SBF1: variants seen among roughly 807,000 people sequenced by gnomAD.
SBF1 encodes the protein SET binding factor 1, also known as myotubularin-related protein 5.
A neutral mutation model predicts 215.8 loss-of-function variants in SBF1; 65 were observed. The ratio of observed to expected loss-of-function variants is 0.30; its 90% CI spans 0.25 to 0.37. SBF1 has a LOEUF of 0.37. SBF1 is among the 10% of genes least tolerant of loss of function. The pLI, the probability that SBF1 is intolerant of heterozygous loss-of-function variation, is 1.00. For missense variants in SBF1, 2,634 were observed against 2,667.8 expected (o/e 0.99, Z 0.28); for synonymous variants, 1,410 against 1,122.8 (o/e 1.26, Z -5.11).
At chr22:50,470,832 C>T (rs1333885751) in intron 1 of SBF1, among the ~76,000 whole-genome samples, 2 of 152,230 alleles carry the variant, frequency 1.3e-5, no homozygotes, top group East Asian at 3.8e-4. Flanking sequence ...TGACAGAACA[C>T]AGCTGGCCCC....
rs190247960 is a variant in SBF1 at position 50,456,177 on chromosome 22, A to G, written c.4266+39T>C. On this transcript the variant is annotated intron_variant, in intron 31 of 40. Coordinates refer to ENST00000380817, the MANE Select transcript of SBF1 (RefSeq NM_002972.4). Reference sequence around the variant, plus strand: ...TTGGCTCTACCCAAGGGGAGGGCCCAGCACCAAGGCGGGCAGAGGGACGGG... The same window carrying G: ...TTGGCTCTACCCAAGGGGAGGGCCCGGCACCAAGGCGGGCAGAGGGACGGG... 463 of 1,600,658 alleles carry G rather than the reference A, an allele frequency of 2.9e-4. No individual in the cohort carries two copies. In the African/African-American group the frequency reaches 5.7e-3, roughly 20 times the overall value.
chr22:50,448,743 C>T (rs536402152), intron 36 of SBF1, 93 bp from the exon 37 acceptor site: 106 of 1,005,672 alleles, frequency 1.1e-4, no homozygotes, highest in Admixed American at 5.6e-4. Context: ...AGAGACACAA[C>T]GGAAAGGCCT....
In SBF1 at chr22:50,447,175, C is replaced by A; in HGVS notation, c.5649G>T (p.Val1883=). The change falls in exon 41 of 41, where the codon GTG becomes GTT. Residue 1883 remains valine (V), a synonymous_variant. Coordinates refer to ENST00000380817, the MANE Select transcript of SBF1 (RefSeq NM_002972.4). ...CCGACAGGCAGCTCTGGATCCGGTC[C>A]ACCCACTGCTGGGCCGAGGGCACGT... The part of the protein sequence containing the change: ...AQDVPSAQQW[V]DRIQSCLSDA 6.2e-7 allele frequency: 1 copy of A among 1,613,346 alleles called. No individual in the cohort carries two copies. Among genetic ancestry groups the A allele is most frequent in the Non-Finnish European group, 8.5e-7 (1 of 1,179,942 alleles).
chr22:50,455,527 G>C lies in SBF1; in HGVS notation c.4322C>G (p.Ser1441Cys). The part of the protein sequence containing the change: ...VLVVELLDSG[S>C]SVLVGLEDGW... ...ATCCTCCAGGCCCACCAGCACGGAG[G>C]AGCCTGAATCCAGGAGCTCCACCAC... Residue 1441 changes from serine (S) to cysteine (C), a missense_variant, in exon 32 of 41, where the codon TCC (serine) becomes TGC (cysteine). Transcript: ENST00000380817. The C allele has an allele frequency of 6.2e-7, 1 of 1,601,794 alleles. No homozygotes were observed. Among genetic ancestry groups the C allele is most frequent in the Non-Finnish European group, 8.5e-7 (1 of 1,174,624 alleles).
At chr22:50,455,834 C>G in intron 31 of SBF1, 7 of 498,476 alleles carry the variant, frequency 1.4e-5, no homozygotes, top group Non-Finnish European at 2.4e-5. Context: ...CCCTGTCCCT[C>G]AAGATGCCGG....
chr22:50,459,454 A>G lies in SBF1; in HGVS notation c.3688+16T>C, dbSNP rs924647138. The G allele has an allele frequency of 6.2e-7, 1 of 1,611,294 alleles. No individual in the cohort carries two copies. Among genetic ancestry groups the G allele is most frequent in the Non-Finnish European group, 8.5e-7 (1 of 1,179,670 alleles). On this transcript the variant is annotated intron_variant, in intron 27 of 40. Transcript: ENST00000380817. Reference sequence around the variant, plus strand: ...AGATAGGGCAGGGCAGGCACAGGGCAGGACGCAGGAGGTACCTGGAGAAGG... The same window carrying G: ...AGATAGGGCAGGGCAGGCACAGGGCGGGACGCAGGAGGTACCTGGAGAAGG...
Position 50,460,282 on chromosome 22 carries a change from G to C in SBF1, c.3273C>G (p.Asp1091Glu), listed in dbSNP as rs1191369275. 3 of 1,605,582 alleles carry C rather than the reference G, an allele frequency of 1.9e-6. No homozygotes were observed. The Admixed American group carries it at 5.0e-5, about 27-fold the overall frequency. The change falls in exon 25 of 41, where the codon GAC (aspartate) becomes GAG (glutamate). Residue 1091 changes from aspartate (D) to glutamate (E), a missense_variant. Transcript: ENST00000380817. ...CCCCCACCCCTCCACCTGAGATCTC[G>C]TCCTCCTGGTCCTCAGGGGGCGGCT... Reference protein sequence around the residue: ...RGQPPPEDQEDEISVSEELEP... With the variant: ...RGQPPPEDQEEEISVSEELEP...
rs774986568 is a variant in SBF1, at chr22:50,462,735, GA to G, written c.1969-19del. 2.2e-5 allele frequency: 36 copies of G among 1,610,612 alleles called. No individual in the cohort carries two copies. The highest frequency in any genetic ancestry group is 3.1e-5 in the Non-Finnish European group (36 of 1,178,744). ...CTCAGCTTCTGCAGGAGCCAGGGGA[GA>G]AGGTCAGCTGGATGCAGCCAGGAAG... is the stretch of plus-strand genomic sequence containing the variant. On this transcript the variant is annotated intron_variant, in intron 17 of 40. Transcript: ENST00000380817.
Position 50,446,784 on chromosome 22 carries a change from G to A in SBF1, c.*358C>T, listed in dbSNP as rs905957561. 3 of 582,724 alleles carry A rather than the reference G, an allele frequency of 5.1e-6. No individual in the cohort carries two copies. Among genetic ancestry groups the A allele is most frequent in the African/African-American group, 3.7e-5 (2 of 54,790 alleles). 36.1% of individuals were successfully genotyped at this position (582,724 alleles called of 1,614,324 possible). A position where few individuals can be genotyped will look rare whatever the true frequency, so the allele number is the denominator to read the frequency against. The stretch of plus-strand genomic sequence containing the variant: ...GGCCGAGAGCAGGCAGCCGGGGAGT[G>A]GGGAAGGCAGGCACAGGAGCGTGGC... On this transcript the variant is annotated 3_prime_UTR_variant, in exon 41 of 41. Transcript: ENST00000380817.
intron 31 of SBF1, chr22:50,456,014 A>T: frequency 1.7e-6 from 1 of 605,294 alleles, no homozygotes; most frequent in Non-Finnish European, 2.9e-6. Context: ...AGCCCTGGCC[A>T]CTCTCACTGT....
At position 50,447,380 on chromosome 22, in the gene SBF1, G is replaced by A. The variant is rs1340978294; in HGVS notation, c.5525C>T (p.Ala1842Val). Residue 1842 changes from alanine (A) to valine (V), a missense_variant, in exon 40 of 41, where the codon GCA becomes GTA. Physicochemically the swap from Ala to Val is moderately conservative, Grantham distance 64 (BLOSUM62 0). Transcript: ENST00000380817. The stretch of plus-strand genomic sequence containing the variant: ...GGCACCCATAGTGGGCGTGCCAGGT[G>A]CCACAGCCTCCACCTCCGCCAAGTC... ...VIDLAEVEAVAPGTPTMGAPK... is the reference protein window; with the variant it reads ...VIDLAEVEAVVPGTPTMGAPK... 1 of 1,613,968 alleles carries A rather than the reference G, an allele frequency of 6.2e-7. No homozygotes were observed. The highest frequency in any genetic ancestry group is 8.5e-7 in the Non-Finnish European group (1 of 1,179,918).
chr22:50,448,191 A>T, intron 38 of SBF1, 42 bp downstream of exon 38: 2 of 1,575,732 alleles, frequency 1.3e-6, no homozygotes, highest in South Asian at 2.2e-5. Context: ...CCAGAACACC[A>T]GCTCAGAGGT....
rs756014 is a variant in SBF1, at chr22:50,445,532, G to A, written c.*1610C>T. 0.62 allele frequency: 94,872 copies of A among 152,148 alleles called. 29,983 individuals carry two copies. The highest frequency in any genetic ancestry group is 0.69 in the African/African-American group (28,812 of 41,488). 9.4% of individuals were successfully genotyped at this position (152,148 alleles called of 1,614,324 possible). On this transcript the variant is annotated 3_prime_UTR_variant, in exon 41 of 41. Transcript: ENST00000380817. ...GCTACACATTGAGTGCCTTGTTCTC[G>A]CCGCCTACCCTGTGCCTGGCATTTG... is the stretch of plus-strand genomic sequence containing the variant.
intron 21 of SBF1, 26 bp from the exon 22 acceptor site, chr22:50,461,744 C>G: frequency 6.2e-7 from 1 of 1,610,080 alleles, no homozygotes; most frequent in East Asian, 2.2e-5. Context: ...AGCAGGAGCT[C>G]AGGATGCAGC....
rs1026571113 is a variant in SBF1 at position 50,449,656 on chromosome 22, A to ACACACC, written c.5044-1007_5044-1006insGGTGTG. 3.4e-4 allele frequency among the ~76,000 whole-genome samples: 50 copies of ACACACC among 148,454 alleles called. 1 individual carries two copies. The highest frequency in any genetic ancestry group is 1.2e-3 in the African/African-American group (46 of 39,808). On this transcript the variant is annotated intron_variant, in intron 36 of 40. Transcript: ENST00000380817. ...CACACACACACACACACACACACAC[A>ACACACC]CCCCAAAATGGGACAGAAAAACTGC...
chr22:50,472,680 G>T (rs1319801041), intron 1 of SBF1, among the ~76,000 whole-genome samples: 1 of 152,198 alleles, frequency 6.6e-6, no homozygotes, highest in African/African-American at 2.4e-5. Context: ...GAAGTCACAA[G>T]GCTATCAAGG....
chr22:50,461,197 G>C lies in SBF1; in HGVS notation c.2929C>G (p.Leu977Val). ...GAGCGCAGCTGGAGCCCGTCCTGCA[G>C]GAGCTGGTCCACAGGGGTCTGGACG... ...ISVQTPVDQLLQDGLQLRSCT... is the reference protein window; with the variant it reads ...ISVQTPVDQLVQDGLQLRSCT... The change falls in exon 23 of 41, where the codon CTG becomes GTG. Residue 977 changes from leucine to valine, a missense_variant. Physicochemically the swap from Leu to Val is conservative, Grantham distance 32. Transcript: ENST00000380817. 1 of 1,610,768 alleles carries C rather than the reference G, an allele frequency of 6.2e-7. No homozygotes were observed. Among genetic ancestry groups the C allele is most frequent in the Non-Finnish European group, 8.5e-7 (1 of 1,178,252 alleles).
chr22:50,452,219 G>A (rs1447560706), intron 36 of SBF1, among the ~76,000 whole-genome samples: 1 of 150,944 alleles, frequency 6.6e-6, no homozygotes, highest in East Asian at 1.9e-4. Context: ...CAAAATAAAG[G>A]CACCAAGATG....
chr22:50,464,158 A>G lies in SBF1; in HGVS notation c.1749+171T>C, dbSNP rs192972058. 7.3e-4 allele frequency among the ~76,000 whole-genome samples: 111 copies of G among 152,282 alleles called. No individual in the cohort carries two copies. In the East Asian group the frequency reaches 0.019, roughly 26 times the overall value. On this transcript the variant is annotated intron_variant, in intron 15 of 40. Transcript: ENST00000380817. ...GCCCGACCCACCCCTCACTGAGGTC[A>G]AGAGAGGAGACCTGGAGCCCACCTA...
Sources: allele counts gnomAD v4.1 joint callset (sites outside exome capture counted in the v4.1 genomes callset), GRCh38; gene constraint gnomAD v4.1.1; transcripts MANE v1.5; gene names NCBI Gene and HGNC (gene_info 2026-07-23, HGNC 2026-07-21).